RABGAP1: variants seen among roughly 807,000 people sequenced by gnomAD.
RABGAP1 encodes RAB GTPase activating protein 1, also known as rab GTPase-activating protein 1.
In RABGAP1, 23 loss-of-function variants were observed where a neutral mutation model predicts 137.6. That is an observed-to-expected ratio of 0.17 (90% CI 0.12 to 0.24). RABGAP1 has a LOEUF of 0.24. RABGAP1 is among the 10% of genes least tolerant of loss of function. The pLI is 1.00. For synonymous variants in RABGAP1, 451 were observed against 450.7 expected (o/e 1.00, Z -0.01); for missense variants, 906 against 1,275.8 (o/e 0.71, Z 4.42).
rs1373648832 is a variant in RABGAP1 at position 123,089,764 on chromosome 9, CAGA to C, written c.2437_2439del (p.Lys813del). The C allele has an allele frequency of 6.2e-7, 1 of 1,611,620 alleles. No individual in the cohort carries two copies. The highest frequency in any genetic ancestry group is 8.5e-7 in the Non-Finnish European group (1 of 1,178,322). On this transcript the variant is annotated inframe_deletion, in exon 20 of 26. Coordinates refer to ENST00000373647, the MANE Select transcript of RABGAP1 (RefSeq NM_012197.4). The stretch of plus-strand genomic sequence containing the variant: ...CCTATGATTTATCCTACAGATTAGT[CAGA>C]AGAAGTTGAAAAAATACGAGAAAGA...
intron 11 of RABGAP1, 85 bp from the exon 12 acceptor site, chr9:123,015,458 T>C: frequency 1.2e-6 from 1 of 818,278 alleles, no homozygotes; most frequent in Non-Finnish European, 1.9e-6. Context: ...GTAAAGTCTT[T>C]CAAATTTGAC....
chr9:123,021,574 G>C (rs2031642378), intron 13 of RABGAP1, among the ~76,000 whole-genome samples: 1 of 152,062 alleles, frequency 6.6e-6, no homozygotes, highest in Admixed American at 6.5e-5. Context: ...AACTGTCTTG[G>C]CCTCCCAAAG....
chr9:122,986,539 A>G lies in RABGAP1; in HGVS notation c.590+120A>G, dbSNP rs1836380676. ...AGTTATTTTACTTGTGTAACGTTTC[A>G]TTTACCTGGCACTCATGTCTCCCAA... On this transcript the variant is annotated intron_variant, in intron 4 of 25. Coordinates refer to ENST00000373647, the MANE Select transcript of RABGAP1 (RefSeq NM_012197.4). 2.8e-6 allele frequency: 3 copies of G among 1,089,642 alleles called. No individual in the cohort carries two copies. In the East Asian group the frequency reaches 7.4e-5, roughly 27 times the overall value. The allele number at this position is 1,089,642 out of a possible 1,614,324, so 67.5% of individuals were successfully genotyped here. A position where few individuals can be genotyped will look rare whatever the true frequency, so the allele number is the denominator to read the frequency against.
At chr9:123,011,628 G>A (rs1464737140) in intron 11 of RABGAP1, among the ~76,000 whole-genome samples, 1 of 152,040 alleles carries the variant, frequency 6.6e-6, no homozygotes, top group Non-Finnish European at 1.5e-5. Flanking sequence ...TAATAATCCT[G>A]AAAAATAGGA....
chr9:123,016,018 C>A (rs2031199768), intron 12 of RABGAP1, among the ~76,000 whole-genome samples: 1 of 152,032 alleles, frequency 6.6e-6, no homozygotes, highest in Admixed American at 6.6e-5. Context: ...TAGGATTTTT[C>A]CCTTATCTGT....
chr9:123,033,280 G>A (rs559516349), intron 13 of RABGAP1, among the ~76,000 whole-genome samples: 8 of 152,210 alleles, frequency 5.3e-5, no homozygotes, highest in South Asian at 4.1e-4. Context: ...GGAAAATGCC[G>A]TGAGAAAATA....
the RABGAP1 span, among the ~76,000 whole-genome samples, chr9:122,932,751 C>T: frequency 6.6e-6 from 1 of 150,504 alleles, no homozygotes; most frequent in African/African-American, 2.4e-5. Context: ...AGGCTGGTGT[C>T]GAACTCCCGA....
At chr9:123,051,802 C>A (rs2033488529) in intron 13 of RABGAP1, among the ~76,000 whole-genome samples, 1 of 144,620 alleles carries the variant, frequency 6.9e-6, no homozygotes, top group African/African-American at 2.6e-5. Flanking sequence ...TTATTATTAT[C>A]TTTTTATGAG....
rs2035404702 is a variant in RABGAP1 at position 123,103,582 on chromosome 9, A to AATATATATATATAT, written c.*374_*375insTATATATATATATA. Reference sequence around the variant, plus strand: ...TTTTTTTTCTAAACCTTTTTTTTTTAATATACATATATATATATATATATA... The same window carrying AATATATATATATAT: ...TTTTTTTTCTAAACCTTTTTTTTTTAATATATATATATATATATACATATATATATATATATATA... On this transcript the variant is annotated 3_prime_UTR_variant, in exon 26 of 26. Transcript: ENST00000373647. 1 of 38,090 alleles carries AATATATATATATAT rather than the reference A, an allele frequency of 2.6e-5. No homozygotes were observed. The highest frequency in any genetic ancestry group is 8.1e-5 in the African/African-American group (1 of 12,290). The allele number at this position is 38,090 out of a possible 1,614,324, so 2.4% of individuals were successfully genotyped here. A position where few individuals can be genotyped will look rare whatever the true frequency, so the allele number is the denominator to read the frequency against.
chr9:122,984,338 GATTT>G (rs1836249873), intron 2 of RABGAP1, 143 bp from the exon 3 acceptor site: 1 of 707,224 alleles, frequency 1.4e-6, no homozygotes, highest in East Asian at 2.7e-5. Context: ...TGCAGATCTT[GATTT>G]ATTCTATTTT....
rs1554734462 is a variant in RABGAP1 at position 123,104,010 on chromosome 9, T to TATAA, written c.*801_*804dup. The TATAA allele has an allele frequency of 1.3e-5, 2 of 151,492 alleles. No individual in the cohort carries two copies. Among genetic ancestry groups the TATAA allele is most frequent in the Non-Finnish European group, 2.9e-5 (2 of 67,804 alleles). 9.4% of individuals were successfully genotyped at this position (151,492 alleles called of 1,614,324 possible). Reference sequence around the variant, plus strand: ...GTGTGTGTGTGTATGTATATATATATATAAATATCTTTCCCAATATGCCCC... The same window carrying TATAA: ...GTGTGTGTGTGTATGTATATATATATATAAATAAATATCTTTCCCAATATGCCCC... On this transcript the variant is annotated 3_prime_UTR_variant, in exon 26 of 26. Transcript: ENST00000373647.
At chr9:122,965,701 T>A (rs1342806336) in intron 2 of RABGAP1, among the ~76,000 whole-genome samples, 1 of 152,212 alleles carries the variant, frequency 6.6e-6, no homozygotes, top group African/African-American at 2.4e-5. Flanking sequence ...CTTTTTGAGG[T>A]AATGAATTTG....
At chr9:123,062,125 A>C (rs975847308) in intron 13 of RABGAP1, 2 of 152,212 alleles carry the variant, frequency 1.3e-5, no homozygotes, top group African/African-American at 4.8e-5. Context: ...AAAATTAGCC[A>C]GGCGTGGTGG....
chr9:123,077,669 GT>G (rs2034561242), intron 19 of RABGAP1, among the ~76,000 whole-genome samples: 1 of 144,064 alleles, frequency 6.9e-6, no homozygotes, highest in African/African-American at 2.7e-5. Flanking sequence ...GTATTGTATT[GT>G]ATTGTATTGT....
At chr9:122,986,506 A>G (rs761383445) in intron 4 of RABGAP1, 87 bp downstream of exon 4, 95 of 1,314,478 alleles carry the variant, frequency 7.2e-5, no homozygotes, top group Admixed American at 1.4e-4. Context: ...AATAAAATAC[A>G]TATTAATAGT....
intron 10 of RABGAP1, among the ~76,000 whole-genome samples, chr9:123,001,808 T>C (rs1467931296): frequency 6.6e-6 from 1 of 152,188 alleles, no homozygotes; most frequent in African/African-American, 2.4e-5. Flanking sequence ...TAGTTCCCAG[T>C]ACATAGTAAG....
chr9:122,966,655 G>T (rs966801214), intron 2 of RABGAP1, among the ~76,000 whole-genome samples: 2 of 152,322 alleles, frequency 1.3e-5, no homozygotes, highest in East Asian at 3.9e-4. Flanking sequence ...GAGATGAAGA[G>T]AAATCAGCAG....
At chr9:122,974,415 C>CTTTT (rs11331973) in intron 2 of RABGAP1, among the ~76,000 whole-genome samples, 7 of 58,218 alleles carry the variant, frequency 1.2e-4, no homozygotes, top group Admixed American at 4.4e-4. Flanking sequence ...ATGGCTTTGT[C>CTTTT]TTTTTTTTTT....
chr9:122,978,080 T>G (rs1404482758), intron 2 of RABGAP1, among the ~76,000 whole-genome samples: 1 of 152,196 alleles, frequency 6.6e-6, no homozygotes, highest in Non-Finnish European at 1.5e-5. Flanking sequence ...CAGTCCTGAG[T>G]TTTAACAAAT....
Sources: gnomAD v4.1 joint callset for allele counts (sites outside exome capture counted in the v4.1 genomes callset) on GRCh38, gnomAD v4.1.1 for gene constraint, MANE v1.5 for transcripts, NCBI Gene and HGNC (gene_info 2026-07-23, HGNC 2026-07-21) for gene names.